The following OR9Q1 variants were observed in gnomAD, a reference collection of about 807,000 sequenced individuals.
OR9Q1 encodes the protein olfactory receptor family 9 subfamily Q member 1.
For synonymous variants in OR9Q1, 153 were observed against 148.6 expected (o/e 1.03, Z -0.22); for missense variants, 374 against 378.8 (o/e 0.99, Z 0.11).
intron 2 of OR9Q1, chr11:58,073,592 A>G (rs557852781): frequency 3.9e-5 from 6 of 152,896 alleles, no homozygotes; most frequent in Admixed American, 2.6e-4. Flanking sequence ...TCCTGTCTGC[A>G]GGTGAACTGA....
At chr11:58,139,748 G>A (rs56298140) in intron 2 of OR9Q1, among the ~76,000 whole-genome samples, 49,037 of 151,726 alleles carry the variant, frequency 0.32, 8,448 homozygotes, top group Middle Eastern at 0.43. Flanking sequence ...AAACATACGT[G>A]TGCATGTGTC....
At chr11:58,138,936 G>A (rs1854215377) in intron 2 of OR9Q1, among the ~76,000 whole-genome samples, 1 of 152,058 alleles carries the variant, frequency 6.6e-6, no homozygotes, top group African/African-American at 2.4e-5. Flanking sequence ...CCTCTGTAAT[G>A]TGTGGTATAT....
chr11:58,143,581 AT>A (rs1854271121), intron 2 of OR9Q1, among the ~76,000 whole-genome samples: 1 of 152,194 alleles, frequency 6.6e-6, no homozygotes, highest in African/African-American at 2.4e-5. Context: ...AGGATTAACA[AT>A]ATGTGTTTCA....
chr11:58,066,099 C>T (rs1160378244), intron 2 of OR9Q1, among the ~76,000 whole-genome samples: 1 of 151,548 alleles, frequency 6.6e-6, no homozygotes, highest in Non-Finnish European at 1.5e-5. Context: ...GGCTCCCTCC[C>T]CTCCCTCCCT....
At chr11:58,107,621 A>G (rs1294135968) in intron 2 of OR9Q1, among the ~76,000 whole-genome samples, 1 of 152,148 alleles carries the variant, frequency 6.6e-6, no homozygotes, top group Non-Finnish European at 1.5e-5. Flanking sequence ...CTTTGGGTAT[A>G]TACCTAGCAA....
chr11:58,154,105 G>T (rs2867031), intron 2 of OR9Q1, among the ~76,000 whole-genome samples: 3 of 150,692 alleles, frequency 2.0e-5, no homozygotes, highest in Non-Finnish European at 4.4e-5. Flanking sequence ...AAGGGGAGGA[G>T]GAAGGAGGAG....
intron 2 of OR9Q1, among the ~76,000 whole-genome samples, chr11:58,121,876 C>T (rs910038937): frequency 3.3e-5 from 5 of 152,266 alleles, no homozygotes; most frequent in South Asian, 4.1e-4. Flanking sequence ...TGCCTCCACA[C>T]CCCTGTAAAG....
chr11:58,105,150 T>G (rs1234936992), intron 2 of OR9Q1, among the ~76,000 whole-genome samples: 1 of 151,414 alleles, frequency 6.6e-6, no homozygotes, highest in East Asian at 1.9e-4. Context: ...TATTATAAAT[T>G]CTATGCATTT....
intron 2 of OR9Q1, among the ~76,000 whole-genome samples, chr11:58,152,486 T>A (rs1361918921): frequency 6.6e-6 from 1 of 152,208 alleles, no homozygotes; most frequent in African/African-American, 2.4e-5. Context: ...TTTTAGTTTG[T>A]ATTTCTTTGA....
chr11:58,026,850 T>C (rs1852979229), intron 1 of OR9Q1: 1 of 152,206 alleles, frequency 6.6e-6, no homozygotes, highest in Non-Finnish European at 1.5e-5. Context: ...TGAATTAATA[T>C]ACACTAGAGA....
At chr11:58,140,997 C>A (rs1224325739) in intron 2 of OR9Q1, among the ~76,000 whole-genome samples, 12 of 152,038 alleles carry the variant, frequency 7.9e-5, no homozygotes, top group Non-Finnish European at 1.2e-4. Context: ...TGAAGAGGTC[C>A]TTCACATCCC....
chr11:58,137,858 A>G (rs1260196318), intron 2 of OR9Q1, among the ~76,000 whole-genome samples: 1 of 152,222 alleles, frequency 6.6e-6, no homozygotes, highest in Admixed American at 6.5e-5. Flanking sequence ...AGTATTTATC[A>G]TACAGTGAAT....
intron 2 of OR9Q1, among the ~76,000 whole-genome samples, chr11:58,175,876 G>T (rs1225827239): frequency 6.6e-6 from 1 of 151,582 alleles, no homozygotes; most frequent in Non-Finnish European, 1.5e-5. Context: ...ATGAATTTGT[G>T]GCTAAAACAA....
chr11:58,172,820 A>C (rs866273769), intron 2 of OR9Q1, among the ~76,000 whole-genome samples: 6 of 152,276 alleles, frequency 3.9e-5, no homozygotes, highest in Middle Eastern at 3.4e-3. Context: ...TGTTACAAAC[A>C]ATCAAAGTAT....
At position 58,032,034 on chromosome 11, in the gene OR9Q1, G is replaced by C. The variant is rs77119799; in HGVS notation, c.-93+7930G>C. The C allele has an allele frequency of 2.5e-4, 148 of 585,398 alleles. 1 individual carries two copies. Among genetic ancestry groups the C allele is most frequent in the Non-Finnish European group, 3.8e-4 (127 of 332,626 alleles). 36.3% of individuals were successfully genotyped at this position (585,398 alleles called of 1,614,324 possible). On this transcript the variant is annotated intron_variant, in intron 1 of 2. Transcript: ENST00000335397. ...ACAGCCACAAAAAATACAATACCTA[G>C]GAATACAACTAACCAAGGAAGTGAA...
At chr11:58,108,503 C>G (rs61902762) in intron 2 of OR9Q1, among the ~76,000 whole-genome samples, 2 of 151,778 alleles carry the variant, frequency 1.3e-5, no homozygotes, top group Non-Finnish European at 2.9e-5. Flanking sequence ...AAGGAGAGAG[C>G]GGGGAAGAAA....
At chr11:58,165,530 G>A (rs1854492636) in intron 2 of OR9Q1, among the ~76,000 whole-genome samples, 1 of 152,070 alleles carries the variant, frequency 6.6e-6, no homozygotes, top group Non-Finnish European at 1.5e-5. Context: ...TACCCTCTCT[G>A]CTGTTTTTTG....
At chr11:58,104,790 A>G (rs1853824423) in intron 2 of OR9Q1, among the ~76,000 whole-genome samples, 1 of 152,102 alleles carries the variant, frequency 6.6e-6, no homozygotes. Flanking sequence ...GATTGAGGAG[A>G]TTGCATGTTC....
intron 2 of OR9Q1, among the ~76,000 whole-genome samples, chr11:58,148,680 A>G (rs926826150): frequency 2.0e-5 from 3 of 152,206 alleles, no homozygotes; most frequent in Non-Finnish European, 4.4e-5. Flanking sequence ...AATTCAAAAA[A>G]GGTAAGGCAG....
Sources: gnomAD v4.1 joint callset for allele counts (sites outside exome capture counted in the v4.1 genomes callset) on GRCh38, gnomAD v4.1.1 for gene constraint, MANE v1.5 for transcripts, NCBI Gene and HGNC (gene_info 2026-07-23, HGNC 2026-07-21) for gene names.